CADM2: variants seen among roughly 807,000 people sequenced by gnomAD.
CADM2 encodes immunoglobulin superfamily member 4D.
Under a neutral mutation model 49.8 loss-of-function variants are expected in CADM2, and 12 were observed. The ratio of observed to expected loss-of-function variants is 0.24; its 90% CI spans 0.15 to 0.39. The LOEUF (loss-of-function observed/expected upper bound fraction) is 0.39. Among genes scored for constraint, CADM2 ranks in the 10% least tolerant of loss-of-function variants. The pLI, the probability that CADM2 is intolerant of heterozygous loss-of-function variation, is 1.00. For synonymous variants in CADM2, 214 were observed against 175.4 expected (o/e 1.22, Z -1.74); for missense variants, 378 against 492.3 (o/e 0.77, Z 2.20).
intron 1 of CADM2, among the ~76,000 whole-genome samples, chr3:85,446,704 G>GCGATTCTC (rs2037472501): frequency 6.8e-6 from 1 of 147,724 alleles, no homozygotes; most frequent in South Asian, 2.1e-4. Flanking sequence ...CCAGGTTCAA[G>GCGATTCTC]CGATTCTCCT....
intron 1 of CADM2, among the ~76,000 whole-genome samples, chr3:85,113,516 A>G (rs2038532652): frequency 6.6e-6 from 1 of 152,136 alleles, no homozygotes; most frequent in Non-Finnish European, 1.5e-5. Flanking sequence ...TAGTAAGGTC[A>G]TTCTTTCAAA....
chr3:85,854,722 A>G (rs2075240747), intron 3 of CADM2, among the ~76,000 whole-genome samples: 1 of 152,094 alleles, frequency 6.6e-6, no homozygotes, highest in Admixed American at 6.6e-5. Flanking sequence ...TAGCATGTGT[A>G]TACCTATGTA....
intron 1 of CADM2, among the ~76,000 whole-genome samples, chr3:85,413,277 G>A (rs894601427): frequency 2.0e-5 from 3 of 150,614 alleles, no homozygotes; most frequent in Admixed American, 6.6e-5. Context: ...ACATTATATA[G>A]GTACACATTC....
chr3:85,484,821 T>C (rs2039352558), intron 1 of CADM2, among the ~76,000 whole-genome samples: 1 of 152,026 alleles, frequency 6.6e-6, no homozygotes, highest in Admixed American at 6.6e-5. Flanking sequence ...TCACTGATTC[T>C]TTATCAAATC....
chr3:84,988,851 A>G (rs1299896860), intron 1 of CADM2, among the ~76,000 whole-genome samples: 1 of 152,216 alleles, frequency 6.6e-6, no homozygotes, highest in Non-Finnish European at 1.5e-5. Flanking sequence ...TAAATAAAAG[A>G]TACAGCTAAT....
rs112571711 is a variant in CADM2, at chr3:85,076,133, A to T, written c.61+116465A>T. 6.5e-3 allele frequency among the ~76,000 whole-genome samples: 988 copies of T among 152,092 alleles called. 15 individuals are homozygous for T. The highest frequency in any genetic ancestry group is 0.022 in the African/African-American group (925 of 41,484). ...ATGTTCTCCATGCATTACCTCATTT[A>T]ATCTTTACATTTAATCTTTAAATAA... On this transcript the variant is annotated intron_variant, in intron 1 of 9. Transcript: ENST00000383699.
intron 3 of CADM2, among the ~76,000 whole-genome samples, chr3:85,812,140 G>A (rs1332912677): frequency 6.6e-6 from 1 of 152,078 alleles, no homozygotes; most frequent in Non-Finnish European, 1.5e-5. Context: ...TATGGGTGTG[G>A]TGGAAGGGAT....
intron 1 of CADM2, among the ~76,000 whole-genome samples, chr3:85,485,529 C>T (rs2039382555): frequency 6.6e-6 from 1 of 151,970 alleles, no homozygotes; most frequent in African/African-American, 2.4e-5. Flanking sequence ...CGCCATCCTG[C>T]ATGCGCAGTC....
chr3:85,184,489 C>T (rs2041007530), intron 1 of CADM2, among the ~76,000 whole-genome samples: 1 of 151,934 alleles, frequency 6.6e-6, no homozygotes, highest in Non-Finnish European at 1.5e-5. Context: ...GTTCTTTAAA[C>T]ATTTGCTGAA....
chr3:85,370,904 T>C (rs1198650398), intron 1 of CADM2, among the ~76,000 whole-genome samples: 1 of 152,148 alleles, frequency 6.6e-6, no homozygotes, highest in Non-Finnish European at 1.5e-5. Flanking sequence ...AACGTGTGTG[T>C]TTGTGTCTTT....
intron 2 of CADM2, among the ~76,000 whole-genome samples, chr3:85,771,743 T>A (rs1311443401): frequency 1.3e-5 from 2 of 152,064 alleles, no homozygotes; most frequent in Non-Finnish European, 2.9e-5. Context: ...ATAGAATTAT[T>A]TCTGAAAAGG....
At chr3:85,775,414 CTA>C (rs1335636465) in intron 2 of CADM2, among the ~76,000 whole-genome samples, 1 of 151,616 alleles carries the variant, frequency 6.6e-6, no homozygotes, top group African/African-American at 2.4e-5. Flanking sequence ...ACTATAATCA[CTA>C]TATTGGTGAT....
In CADM2 at chr3:85,961,620, A is replaced by G; in HGVS notation, c.943A>G (p.Ser315Gly). ...CEATNTIGQS[S>G]AEYVLIVHDP... ...AGCCACAAACACCATTGGCCAAAGC[A>G]GTGCGGAATATGTTCTCATTGTGCA... Residue 315 changes from serine (S) to glycine (G), a missense_variant, in exon 8 of 10, where the codon AGT becomes GGT. Ser to Gly is a moderately conservative substitution (Grantham distance 56). Coordinates refer to ENST00000383699, the MANE Select transcript of CADM2 (RefSeq NM_001167675.2). 1.9e-6 allele frequency: 3 copies of G among 1,587,706 alleles called. No homozygotes were observed. The highest frequency in any genetic ancestry group is 2.6e-6 in the Non-Finnish European group (3 of 1,162,248).
At chr3:85,650,582 A>G (rs921379247) in intron 1 of CADM2, among the ~76,000 whole-genome samples, 10 of 151,926 alleles carry the variant, frequency 6.6e-5, no homozygotes, top group African/African-American at 2.2e-4. Context: ...TTCTCAAAGT[A>G]TAAATGTGCA....
intron 1 of CADM2, among the ~76,000 whole-genome samples, chr3:85,622,672 C>A (rs914226148): frequency 1.3e-5 from 2 of 152,058 alleles, no homozygotes; most frequent in African/African-American, 2.4e-5. Context: ...TATTACTTTT[C>A]AATAATCAAA....
Position 85,451,857 on chromosome 3 carries a change from C to T in CADM2, c.62-274665C>T, listed in dbSNP as rs74502732. Among the ~76,000 whole-genome samples the T allele has an allele frequency of 6.5e-3, 990 of 152,052 alleles. 11 individuals carry two copies. The highest frequency in any genetic ancestry group is 0.02 in the African/African-American group (849 of 41,506). On this transcript the variant is annotated intron_variant, in intron 1 of 9. Coordinates refer to ENST00000383699, the MANE Select transcript of CADM2 (RefSeq NM_001167675.2). ...CTATTATCGTGAAGTGTCATTTCACCAGGGATTCATCCTGTGAAATGGATG... is the reference window on the plus strand; with the variant it reads ...CTATTATCGTGAAGTGTCATTTCACTAGGGATTCATCCTGTGAAATGGATG...
chr3:85,428,375 T>C (rs1479978073), intron 1 of CADM2, among the ~76,000 whole-genome samples: 1 of 146,016 alleles, frequency 6.8e-6, no homozygotes, highest in Non-Finnish European at 1.5e-5. Flanking sequence ...ATATAATATA[T>C]ATTATATTTA....
At chr3:85,088,558 A>C (rs2037471972) in intron 1 of CADM2, among the ~76,000 whole-genome samples, 1 of 152,104 alleles carries the variant, frequency 6.6e-6, no homozygotes, top group South Asian at 2.1e-4. Context: ...GAGCAGAATA[A>C]CTGGTTCTAA....
intron 1 of CADM2, among the ~76,000 whole-genome samples, chr3:84,964,343 C>T (rs2030808650): frequency 6.6e-6 from 1 of 152,134 alleles, no homozygotes; most frequent in African/African-American, 2.4e-5. Context: ...TGAATTTTCT[C>T]CTTAAGTAGT....
Sources: allele counts gnomAD v4.1 joint callset (sites outside exome capture counted in the v4.1 genomes callset), GRCh38; gene constraint gnomAD v4.1.1; transcripts MANE v1.5; gene names NCBI Gene and HGNC (gene_info 2026-07-23, HGNC 2026-07-21).